Variants in RBM6 observed in about 807,000 individuals in gnomAD.
RBM6 encodes RNA binding motif protein 6.
A neutral mutation model predicts 140.4 loss-of-function variants in RBM6; 23 were observed. The ratio of observed to expected loss-of-function variants is 0.16; its 90% CI spans 0.12 to 0.23. RBM6 has a LOEUF of 0.23. Among genes scored for constraint, RBM6 ranks in the 10% least tolerant of loss-of-function variants. The pLI is 1.00. For synonymous variants in RBM6, 439 were observed against 475.6 expected, an observed-to-expected ratio of 0.92 and a Z score of 1.00; for missense variants, 1,139 against 1,386.7, an observed-to-expected ratio of 0.82 and a Z score of 2.84.
rs540841508 is a variant in RBM6 at position 49,982,518 on chromosome 3, G to A, written c.1483+7126G>A. 1.9e-4 allele frequency among the ~76,000 whole-genome samples: 28 copies of A among 150,754 alleles called. 1 individual carries two copies. Among genetic ancestry groups the A allele is most frequent in the Admixed American group, 8.6e-4 (13 of 15,118 alleles). On this transcript the variant is annotated intron_variant, in intron 5 of 20. Coordinates refer to ENST00000266022, the MANE Select transcript of RBM6 (RefSeq NM_005777.3). ...CAGTCTCTGCCTCCTGGGTTCAAGC[G>A]ATTCTCCTGCCTCAGTCTCCCAAGT... is the stretch of plus-strand genomic sequence containing the variant.
At chr3:49,975,281 A>G (rs770906312) in intron 4 of RBM6, 42 bp from the exon 5 acceptor site, 5 of 1,455,570 alleles carry the variant, frequency 3.4e-6, no homozygotes, top group Non-Finnish European at 3.9e-6. Flanking sequence ...TCAGTGTTTG[A>G]TTATGATTTG....
intron 6 of RBM6, among the ~76,000 whole-genome samples, chr3:50,033,931 C>T (rs992935045): frequency 4.6e-5 from 7 of 152,076 alleles, no homozygotes; most frequent in African/African-American, 1.7e-4. Context: ...TGAGCCACAG[C>T]ACTTGGCCGG....
chr3:50,028,888 C>A (rs538654702), intron 6 of RBM6, among the ~76,000 whole-genome samples: 1 of 151,944 alleles, frequency 6.6e-6, no homozygotes, highest in South Asian at 2.1e-4. Flanking sequence ...GTGGTCTTGA[C>A]CCCCCCAACC....
intron 1 of RBM6, among the ~76,000 whole-genome samples, chr3:49,953,222 AT>A (rs111757077): frequency 9.7e-4 from 137 of 141,880 alleles, no homozygotes; most frequent in East Asian, 1.6e-3. Context: ...CACCTTGCTA[AT>A]TTTTTTTTTT....
intron 6 of RBM6, among the ~76,000 whole-genome samples, chr3:50,045,900 C>T (rs1392217983): frequency 6.6e-6 from 1 of 152,138 alleles, no homozygotes; most frequent in Non-Finnish European, 1.5e-5. Context: ...TGCTGAAGGT[C>T]ATGGAGTAGA....
intron 11 of RBM6, among the ~76,000 whole-genome samples, chr3:50,060,161 T>G (rs774560523): frequency 1.3e-5 from 2 of 152,092 alleles, no homozygotes; most frequent in Non-Finnish European, 2.9e-5. Context: ...ACCCTATCTC[T>G]TAACAAAAAA....
chr3:49,985,399 G>A (rs1467796258), intron 5 of RBM6, among the ~76,000 whole-genome samples: 1 of 152,078 alleles, frequency 6.6e-6, no homozygotes, highest in Non-Finnish European at 1.5e-5. Context: ...GACCTATGCT[G>A]CTCACTGTTT....
rs17598830 is a variant in RBM6, at chr3:49,967,584, T to C, written c.159T>C (p.Leu53=). 6.2e-3 allele frequency: 10,040 copies of C among 1,614,046 alleles called. 52 individuals are homozygous for C. Among genetic ancestry groups the C allele is most frequent in the Non-Finnish European group, 7.5e-3 (8,832 of 1,179,928 alleles). ...GCAACTTTCCTGGCAGAGATTCACT[T>C]CCCTTTGATTTCCAGGGGCATTCGG... The part of the protein sequence containing the change: ...HSGNFPGRDS[L]PFDFQGHSGP... Residue 53 remains leucine, a synonymous_variant, in exon 3 of 21, where the codon CTT becomes CTC. Transcript: ENST00000266022. This position sits in a 1 kb window ranked among gnomAD's most constrained non-coding sequence, Gnocchi z 4.0.
In RBM6 at chr3:49,980,619, G is replaced by A. The variant is rs143525724; in HGVS notation, c.1483+5227G>A. ...CTACTAAAAAATACAAAAATTAGCC[G>A]GGCGTGGTGGCGGGTGCCTGTAATC... is the stretch of plus-strand genomic sequence containing the variant. On this transcript the variant is annotated intron_variant, in intron 5 of 20. Transcript: ENST00000266022. 8.8e-3 allele frequency among the ~76,000 whole-genome samples: 1,339 copies of A among 151,484 alleles called. 22 individuals carry two copies. The highest frequency in any genetic ancestry group is 0.031 in the African/African-American group (1,290 of 41,378).
At chr3:50,015,265 G>A (rs1456601651) in intron 6 of RBM6, among the ~76,000 whole-genome samples, 3 of 150,588 alleles carry the variant, frequency 2.0e-5, no homozygotes, top group African/African-American at 7.3e-5. Flanking sequence ...CCACCACCAC[G>A]CCCGGCTAAT....
In RBM6 at chr3:49,968,693, A is replaced by G. The variant is rs746347509; in HGVS notation, c.1268A>G (p.Gln423Arg). Residue 423 changes from glutamine to arginine, a missense_variant, in exon 3 of 21, where the codon CAG becomes CGG. By Grantham distance (43) the Gln-to-Arg change is conservative. Around this residue, in one of 9 missense-constraint regions of RBM6, gnomAD observed 566 missense variants for 612.7 expected, o/e 0.92. Transcript: ENST00000266022. ...GGAAGCCAGATGTTTGGCTATGGCCAGAGCAAGTCTTTTCCAGAGGGCAAA... is the reference window on the plus strand; with the variant it reads ...GGAAGCCAGATGTTTGGCTATGGCCGGAGCAAGTCTTTTCCAGAGGGCAAA... Reference protein sequence around the residue: ...LPGSQMFGYGQSKSFPEGKTA... With the variant: ...LPGSQMFGYGRSKSFPEGKTA... 8 of 1,612,716 alleles carry G rather than the reference A, an allele frequency of 5.0e-6. No individual in the cohort carries two copies. The South Asian group carries it at 7.7e-5, about 15-fold the overall frequency.
At chr3:50,054,443 A>G (rs1297376158) in intron 8 of RBM6, 48 bp downstream of exon 8, 1 of 1,455,680 alleles carries the variant, frequency 6.9e-7, no homozygotes, top group African/African-American at 1.4e-5. Flanking sequence ...ATTGAGCAAA[A>G]CAAATTTCAT....
intron 2 of RBM6, among the ~76,000 whole-genome samples, chr3:49,963,414 A>G (rs1470083651): frequency 2.0e-5 from 3 of 151,944 alleles, no homozygotes; most frequent in Non-Finnish European, 4.4e-5. Context: ...CATTATTTTA[A>G]TATTAAAAAA....
intron 11 of RBM6, 52 bp from the exon 12 acceptor site, chr3:50,060,901 CTCG>C: frequency 6.7e-7 from 1 of 1,502,720 alleles, no homozygotes; most frequent in East Asian, 2.3e-5. Flanking sequence ...GGATTAAGTA[CTCG>C]TCAAATGCCA....
chr3:50,038,179 C>G (rs1005087761), intron 6 of RBM6, among the ~76,000 whole-genome samples: 1 of 151,948 alleles, frequency 6.6e-6, no homozygotes, highest in Non-Finnish European at 1.5e-5. Flanking sequence ...TTTGGGGATG[C>G]CTGGGGAATA....
chr3:50,051,272 C>T lies in RBM6; in HGVS notation c.1632+2953C>T, dbSNP rs919866680. Among the ~76,000 whole-genome samples, 7 of 152,088 alleles carry T rather than the reference C, an allele frequency of 4.6e-5. No individual in the cohort carries two copies. The East Asian group carries it at 9.6e-4, about 21-fold the overall frequency. On this transcript the variant is annotated intron_variant, in intron 7 of 20. Transcript: ENST00000266022. ...GGAGGATCACCTGAGCCCAGGAGGT[C>T]GAGGCATCAGTGAGCTATGATAGTG...
intron 6 of RBM6, chr3:50,047,351 G>A (rs1158991928): frequency 2.4e-5 from 24 of 985,100 alleles, no homozygotes; most frequent in Non-Finnish European, 2.9e-5. Flanking sequence ...AAGTGTGGGT[G>A]AGGGTCCCTT....
intron 6 of RBM6, among the ~76,000 whole-genome samples, chr3:50,009,478 C>T (rs1303537231): frequency 1.3e-5 from 2 of 152,152 alleles, no homozygotes; most frequent in Admixed American, 6.5e-5. Context: ...GTCATTCATC[C>T]TCTAGTGCAT....
In RBM6 at chr3:50,061,560, CTT is replaced by C. The variant is rs10663019; in HGVS notation, c.2439+36_2439+37del. The C allele has an allele frequency of 0.11, 132,424 of 1,180,192 alleles. 2 individuals are homozygous for C. Among genetic ancestry groups the C allele is most frequent in the Non-Finnish European group, 0.12 (113,728 of 946,252 alleles). 73.1% of individuals were successfully genotyped at this position (1,180,192 alleles called of 1,614,324 possible). A position where few individuals can be genotyped will look rare whatever the true frequency, so the allele number is the denominator to read the frequency against. On this transcript the variant is annotated intron_variant, in intron 14 of 20. Coordinates refer to ENST00000266022, the MANE Select transcript of RBM6 (RefSeq NM_005777.3). ...CCCCAATACCCAGGTGAGTTTGGGG[CTT>C]TTTTTTTTTTTTTTTTTTTTTTACC...
Sources: allele counts gnomAD v4.1 joint callset (sites outside exome capture counted in the v4.1 genomes callset), GRCh38; gene constraint gnomAD v4.1.1; regional missense constraint gnomAD v4.1.1; non-coding constraint Gnocchi (gnomAD v3.1); transcripts MANE v1.5; gene names NCBI Gene and HGNC (gene_info 2026-07-23, HGNC 2026-07-21).